The following PMS2 variants were observed in gnomAD, a reference collection of about 807,000 sequenced individuals.
The protein encoded by PMS2 is PMS1 homolog 2, mismatch repair system component, also known as mismatch repair endonuclease PMS2.
Under a neutral mutation model 90.0 loss-of-function variants are expected in PMS2, and 69 were observed. The ratio of observed to expected loss-of-function variants is 0.77; its 90% CI spans 0.63 to 0.94. The LOEUF (loss-of-function observed/expected upper bound fraction) is 0.94. Among genes scored for constraint, PMS2 ranks in the 40% least tolerant of loss-of-function variants. PMS2 has a pLI of 0.00. For missense variants in PMS2, 966 were observed against 1,040.2 expected (o/e 0.93, Z 0.98); for synonymous variants, 332 against 375.1 (o/e 0.89, Z 1.33).
At chr7:5,979,303 A>ATTGC (rs964144431) in intron 12 of PMS2, among the ~76,000 whole-genome samples, 1 of 145,982 alleles carries the variant, frequency 6.9e-6, no homozygotes, top group Non-Finnish European at 1.5e-5. Flanking sequence ...AGGCACTAGA[A>ATTGC]TTGCTTGAAC....
In PMS2 at chr7:5,997,669, C is replaced by T. The variant is rs189109218; in HGVS notation, c.706-246G>A. ...AAGCAATCCTCCTGCGTCAGCCTGTCGAGTGAGTAGCTGGGACTACAGGTG... is the reference window on the plus strand; with the variant it reads ...AAGCAATCCTCCTGCGTCAGCCTGTTGAGTGAGTAGCTGGGACTACAGGTG... On this transcript the variant is annotated intron_variant, in intron 6 of 14. Transcript: ENST00000265849. Among the ~76,000 whole-genome samples the T allele has an allele frequency of 4.9e-4, 75 of 152,224 alleles. 1 individual carries two copies. Among genetic ancestry groups the T allele is most frequent in the Admixed American group, 4.4e-3 (67 of 15,270 alleles).
chr7:5,978,826 A>C, intron 12 of PMS2, 130 bp from the exon 13 acceptor site: 1 of 1,165,482 alleles, frequency 8.6e-7, no homozygotes, highest in Non-Finnish European at 1.2e-6. Context: ...TAACAACACT[A>C]CTCAGCTAAG....
At chr7:6,007,290 GT>G (rs948902596) in intron 1 of PMS2, among the ~76,000 whole-genome samples, 1 of 151,852 alleles carries the variant, frequency 6.6e-6, no homozygotes, top group African/African-American at 2.4e-5. Flanking sequence ...TAATTTTTGT[GT>G]TTTTAGAAGA....
At chr7:5,985,639 C>T (rs575710534) in intron 11 of PMS2, among the ~76,000 whole-genome samples, 34 of 150,622 alleles carry the variant, frequency 2.3e-4, no homozygotes, top group African/African-American at 7.3e-4. Context: ...CCACAACCTC[C>T]ACCTCCCGGG....
Position 6,002,623 on chromosome 7 carries a change from A to G in PMS2, c.367T>C (p.Ser123Pro), listed in dbSNP as rs2128819263. The G allele has an allele frequency of 6.2e-7, 1 of 1,611,636 alleles. No individual in the cohort carries two copies. The highest frequency in any genetic ancestry group is 8.5e-7 in the Non-Finnish European group (1 of 1,179,488). ...SLCALSDVTI[S>P]TCHASAKVGT... is the part of the protein sequence containing the mutation. ...ACCTTCGCCGATGCGTGGCAGGTAG[A>G]AATGGTGACATCGCTGTGAGAGAAT... is the stretch of plus-strand genomic sequence containing the variant. The change falls in exon 5 of 15, where the codon TCT becomes CCT. Residue 123 changes from serine (S) to proline (P), a missense_variant. By Grantham distance (74) the Ser-to-Pro change is moderately conservative. Around this residue, in one of 2 missense-constraint regions of PMS2, gnomAD observed 871 missense variants for 802.4 expected, o/e 1.09. Coordinates refer to ENST00000265849, the MANE Select transcript of PMS2 (RefSeq NM_000535.7).
chr7:6,007,779 C>G (rs1785995057), intron 1 of PMS2, among the ~76,000 whole-genome samples: 1 of 152,026 alleles, frequency 6.6e-6, no homozygotes, highest in Non-Finnish European at 1.5e-5. Context: ...TGCAGATGAC[C>G]TCACAGAAAA....
At chr7:5,984,345 C>T (rs1230502850) in intron 11 of PMS2, among the ~76,000 whole-genome samples, 2 of 151,786 alleles carry the variant, frequency 1.3e-5, no homozygotes, top group African/African-American at 4.9e-5. Context: ...ACAGACACCA[C>T]CGCTAACCTT....
intron 6 of PMS2, among the ~76,000 whole-genome samples, chr7:5,998,618 C>T (rs544353897): frequency 1.5e-3 from 222 of 148,300 alleles, no homozygotes; most frequent in African/African-American, 5.3e-3. Context: ...TGCTTCAACG[C>T]GGGAGGCAGA....
chr7:5,983,389 G>A (rs28462984), intron 11 of PMS2, among the ~76,000 whole-genome samples: 4,299 of 150,670 alleles, frequency 0.029, 161 homozygotes, highest in African/African-American at 0.1. Flanking sequence ...GATTACAGGC[G>A]TGAGCCACTG....
intron 4 of PMS2, among the ~76,000 whole-genome samples, chr7:6,002,844 T>C (rs1785257085): frequency 6.6e-6 from 1 of 152,242 alleles, no homozygotes; most frequent in Admixed American, 6.5e-5. Flanking sequence ...GCACTAAACA[T>C]GCTTTGCTTT....
At chr7:5,995,797 A>C (rs2286681) in intron 7 of PMS2, among the ~76,000 whole-genome samples, 164 bp from the exon 8 acceptor site, 52,132 of 152,056 alleles carry the variant, frequency 0.34, 9,703 homozygotes, top group Non-Finnish European at 0.42. Context: ...AATCTTGATG[A>C]GTCATCAAAG....
Position 5,973,231 on chromosome 7 carries a change from A to G in PMS2, c.*168T>C, listed in dbSNP as rs1056373555. 3.5e-6 allele frequency: 2 copies of G among 570,094 alleles called. No individual in the cohort carries two copies. The highest frequency in any genetic ancestry group is 6.4e-6 in the Non-Finnish European group (2 of 312,902). 35.3% of individuals were successfully genotyped at this position (570,094 alleles called of 1,614,324 possible). ...CATAGAGAAAAAAAATTTGCAAGCA[A>G]TGCTCCATCTGGTTTGAAAAGGTTC... On this transcript the variant is annotated 3_prime_UTR_variant, in exon 15 of 15. Coordinates refer to ENST00000265849, the MANE Select transcript of PMS2 (RefSeq NM_000535.7).
chr7:5,989,514 C>T (rs112688886), intron 10 of PMS2, among the ~76,000 whole-genome samples: 3,782 of 151,864 alleles, frequency 0.025, 88 homozygotes, highest in Middle Eastern at 0.13. Flanking sequence ...TGACTTCATC[C>T]GTTTACAGTT....
intron 10 of PMS2, 129 bp from the exon 11 acceptor site, chr7:5,987,749 T>C: frequency 1.9e-6 from 2 of 1,048,162 alleles, no homozygotes; most frequent in Non-Finnish European, 1.5e-6. Context: ...CACAGTTCAA[T>C]GTTCAAAATA....
chr7:5,996,189 T>C (rs1784371263), intron 7 of PMS2, among the ~76,000 whole-genome samples: 1 of 152,124 alleles, frequency 6.6e-6, no homozygotes, highest in Admixed American at 6.6e-5. Flanking sequence ...ATTTCAGGCA[T>C]AAGCCAAAAG....
chr7:6,001,217 T>C (rs1785054372), intron 5 of PMS2, among the ~76,000 whole-genome samples: 1 of 143,664 alleles, frequency 7.0e-6, no homozygotes, highest in Non-Finnish European at 1.5e-5. Flanking sequence ...TTTAGGCTTG[T>C]TGTTTTGTTT....
intron 11 of PMS2, among the ~76,000 whole-genome samples, chr7:5,984,306 A>T (rs1782627061): frequency 6.6e-6 from 1 of 151,796 alleles, no homozygotes; most frequent in East Asian, 1.9e-4. Flanking sequence ...AATGTCATTA[A>T]ATACTAACTT....
intron 11 of PMS2, among the ~76,000 whole-genome samples, chr7:5,984,320 C>T (rs11972027): frequency 0.023 from 3,502 of 151,876 alleles, 226 homozygotes; most frequent in African/African-American, 0.081. Context: ...CTAACTTAGT[C>T]AATCTGGACA....
chr7:5,979,404 A>AT (rs1782093200), intron 12 of PMS2, among the ~76,000 whole-genome samples: 1 of 148,326 alleles, frequency 6.7e-6, no homozygotes, highest in South Asian at 2.2e-4. Flanking sequence ...AAAAAAAAAA[A>AT]AGTTCAAGTA....
Sources: gnomAD v4.1 joint callset for allele counts (sites outside exome capture counted in the v4.1 genomes callset) on GRCh38, gnomAD v4.1.1 for gene constraint, gnomAD v4.1.1 regional missense constraint, MANE v1.5 for transcripts, NCBI Gene and HGNC (gene_info 2026-07-23, HGNC 2026-07-21) for gene names.